Variants in TMTC1 observed in about 807,000 individuals in gnomAD.
TMTC1 encodes transmembrane O-mannosyltransferase targeting cadherins 1, also known as protein O-mannosyl-transferase TMTC1.
A neutral mutation model predicts 104.8 loss-of-function variants in TMTC1; 73 were observed. The ratio of observed to expected loss-of-function variants is 0.70; its 90% CI spans 0.58 to 0.85. The LOEUF is 0.85. TMTC1 is among the 40% of genes least tolerant of loss of function. The pLI is 0.00. For synonymous variants in TMTC1, 434 were observed against 428.7 expected, an observed-to-expected ratio of 1.01 and a Z score of -0.15; for missense variants, 1,035 against 1,096.1, an observed-to-expected ratio of 0.94 and a Z score of 0.79.
At chr12:29,526,261 T>C (rs754444528) in intron 11 of TMTC1, among the ~76,000 whole-genome samples, 3 of 152,214 alleles carry the variant, frequency 2.0e-5, no homozygotes, top group African/African-American at 4.8e-5. Flanking sequence ...CAATGAAAGC[T>C]TGAAGGACTT....
chr12:29,764,536 T>C (rs1457130891), intron 2 of TMTC1, among the ~76,000 whole-genome samples: 2 of 152,156 alleles, frequency 1.3e-5, no homozygotes. Flanking sequence ...TTTATCTCTA[T>C]ATCTTCTGGA....
At chr12:29,784,029 T>G, upstream of TMTC1, 1 of 159,988 alleles carries the variant, frequency 6.3e-6, no homozygotes, top group Non-Finnish European at 1.3e-5. Flanking sequence ...CGCCCCCCAA[T>G]CCCGGGACGC....
intron 5 of TMTC1, among the ~76,000 whole-genome samples, chr12:29,646,650 G>A (rs1939280466): frequency 2.0e-5 from 3 of 152,190 alleles, no homozygotes; most frequent in Non-Finnish European, 1.5e-5. Context: ...TTATGACGAC[G>A]TAGTTTCGTT....
intron 9 of TMTC1, among the ~76,000 whole-genome samples, chr12:29,564,375 T>C (rs140934037): frequency 6.6e-6 from 1 of 152,040 alleles, no homozygotes; most frequent in East Asian, 1.9e-4. Context: ...GAGAACAAGA[T>C]GTAGGGAAGG....
chr12:29,641,774 G>A (rs1028291164), intron 5 of TMTC1, among the ~76,000 whole-genome samples: 1 of 152,136 alleles, frequency 6.6e-6, no homozygotes, highest in African/African-American at 2.4e-5. Context: ...AAGAATTCAG[G>A]AGGTTAGTTA....
In TMTC1 at chr12:29,572,237, T is replaced by A; in HGVS notation, c.1419-19A>T. 1 of 1,549,822 alleles carries A rather than the reference T, an allele frequency of 6.5e-7. No individual in the cohort carries two copies. Among genetic ancestry groups the A allele is most frequent in the Non-Finnish European group, 8.9e-7 (1 of 1,122,544 alleles). On this transcript the variant is annotated intron_variant, in intron 8 of 17. Coordinates refer to ENST00000539277, the MANE Select transcript of TMTC1 (RefSeq NM_001193451.2). ...TCCAGACCTAAAATGAATAAATTTT[T>A]AAAAAGAATTATTTGACAAAGAATA...
In TMTC1 at chr12:29,502,755, T is replaced by C. The variant is rs1943622507; in HGVS notation, c.*4091A>G. On this transcript the variant is annotated 3_prime_UTR_variant, in exon 18 of 18. Transcript: ENST00000539277. Reference sequence around the variant, plus strand: ...ATAAACATCTATTATTTTGTAAAAGTTACAAGCTCCCATTCCAGGTGTCAG... The same window carrying C: ...ATAAACATCTATTATTTTGTAAAAGCTACAAGCTCCCATTCCAGGTGTCAG... 1 of 152,206 alleles carries C rather than the reference T, an allele frequency of 6.6e-6. No homozygotes were observed. The highest frequency in any genetic ancestry group is 1.5e-5 in the Non-Finnish European group (1 of 68,034). 9.4% of individuals were successfully genotyped at this position (152,206 alleles called of 1,614,324 possible).
At chr12:29,762,655 T>C (rs574818496) in intron 2 of TMTC1, among the ~76,000 whole-genome samples, 49 of 152,364 alleles carry the variant, frequency 3.2e-4, no homozygotes, top group African/African-American at 1.2e-3. Flanking sequence ...AAGAATACCA[T>C]TGGCAATACA....
chr12:29,614,991 C>T (rs1041323971), intron 6 of TMTC1, among the ~76,000 whole-genome samples: 6 of 152,206 alleles, frequency 3.9e-5, no homozygotes, highest in African/African-American at 1.4e-4. Context: ...CTGTGGTGGA[C>T]TGGAATGGAG....
chr12:29,779,715 A>C (rs371332102), intron 1 of TMTC1, among the ~76,000 whole-genome samples: 6 of 152,360 alleles, frequency 3.9e-5, no homozygotes, highest in Admixed American at 2.6e-4. Flanking sequence ...GCACTGAGAA[A>C]GGTCCTGTGA....
intron 6 of TMTC1, among the ~76,000 whole-genome samples, chr12:29,624,378 G>C (rs2136472109): frequency 6.6e-6 from 1 of 152,214 alleles, no homozygotes; most frequent in East Asian, 1.9e-4. Flanking sequence ...GGTGGAAGAA[G>C]TATGGCAAGG....
intron 13 of TMTC1, among the ~76,000 whole-genome samples, chr12:29,518,012 G>C (rs1299166756): frequency 2.0e-5 from 3 of 152,136 alleles, no homozygotes; most frequent in Non-Finnish European, 4.4e-5. Context: ...ACCGCACCTG[G>C]CCAAGAACAA....
intron 5 of TMTC1, among the ~76,000 whole-genome samples, chr12:29,669,422 T>C (rs1940417401): frequency 6.6e-6 from 1 of 152,130 alleles, no homozygotes; most frequent in African/African-American, 2.4e-5. Context: ...TTTCCAATAG[T>C]GCAGTGTTAG....
chr12:29,671,384 A>G (rs1185622493), intron 5 of TMTC1, among the ~76,000 whole-genome samples: 1 of 152,216 alleles, frequency 6.6e-6, no homozygotes, highest in Non-Finnish European at 1.5e-5. Context: ...AAAAAAGTCA[A>G]ACTATTGAAA....
intron 5 of TMTC1, among the ~76,000 whole-genome samples, chr12:29,739,093 G>A (rs531762583): frequency 3.2e-4 from 48 of 152,176 alleles, no homozygotes; most frequent in African/African-American, 1.1e-3. Context: ...TGTTGCATCA[G>A]GCCTCGTGAT....
chr12:29,622,432 T>C (rs918093005), intron 6 of TMTC1, among the ~76,000 whole-genome samples: 7 of 152,142 alleles, frequency 4.6e-5, no homozygotes, highest in Non-Finnish European at 1.0e-4. Flanking sequence ...TAATCCAAAT[T>C]AGACTGGCTA....
chr12:29,541,302 T>C (rs1333404192), intron 10 of TMTC1, among the ~76,000 whole-genome samples: 3 of 152,134 alleles, frequency 2.0e-5, no homozygotes, highest in South Asian at 2.1e-4. Flanking sequence ...CTTACCACTA[T>C]ATGGTAGTTA....
At chr12:29,717,148 A>G (rs1942107576) in intron 5 of TMTC1, among the ~76,000 whole-genome samples, 1 of 152,252 alleles carries the variant, frequency 6.6e-6, no homozygotes, top group Non-Finnish European at 1.5e-5. Flanking sequence ...TATTTAAAAC[A>G]AGGATCTAAC....
intron 2 of TMTC1, 68 bp from the exon 3 acceptor site, chr12:29,758,845 C>A (rs1344738600): frequency 1.5e-6 from 2 of 1,319,698 alleles, no homozygotes; most frequent in South Asian, 1.5e-5. Flanking sequence ...TACACAAATC[C>A]ATTACAGAAA....
Sources: gnomAD v4.1 joint callset for allele counts (sites outside exome capture counted in the v4.1 genomes callset) on GRCh38, gnomAD v4.1.1 for gene constraint, MANE v1.5 for transcripts, NCBI Gene and HGNC (gene_info 2026-07-23, HGNC 2026-07-21) for gene names.